Variants in NRG3 observed in about 807,000 individuals in gnomAD.
The protein encoded by NRG3 is neuregulin 3.
In NRG3, 31 loss-of-function variants were observed where a neutral mutation model predicts 66.9. The ratio of observed to expected loss-of-function variants is 0.46; its 90% CI spans 0.35 to 0.63. The LOEUF is 0.63. NRG3 is among the 20% of genes least tolerant of loss of function. NRG3 has a pLI of 0.00. For synonymous variants in NRG3, 393 were observed against 359.4 expected (o/e 1.09, Z -1.06); for missense variants, 910 against 878.9 (o/e 1.04, Z -0.45).
intron 1 of NRG3, among the ~76,000 whole-genome samples, chr10:81,887,415 T>C (rs760977366): frequency 3.9e-5 from 6 of 152,106 alleles, no homozygotes; most frequent in Non-Finnish European, 7.4e-5. Flanking sequence ...ATCAATAAGT[T>C]ATATACACAT....
chr10:82,078,652 G>C (rs192907653), intron 1 of NRG3, among the ~76,000 whole-genome samples: 3 of 152,302 alleles, frequency 2.0e-5, no homozygotes, highest in African/African-American at 7.2e-5. Context: ...TAAAGCCACA[G>C]GAGATGAGAA....
At chr10:82,787,157 A>T (rs1213873431) in intron 3 of NRG3, among the ~76,000 whole-genome samples, 1 of 152,130 alleles carries the variant, frequency 6.6e-6, no homozygotes. Flanking sequence ...ATTCATTTCA[A>T]TACTTGCTCT....
intron 2 of NRG3, among the ~76,000 whole-genome samples, chr10:82,554,278 G>A (rs1431086295): frequency 6.6e-6 from 1 of 152,102 alleles, no homozygotes; most frequent in African/African-American, 2.4e-5. Context: ...TAGGAAAGAT[G>A]ATTTTGACTG....
At chr10:82,849,166 T>A (rs925235929) in intron 3 of NRG3, among the ~76,000 whole-genome samples, 1 of 152,120 alleles carries the variant, frequency 6.6e-6, no homozygotes, top group Non-Finnish European at 1.5e-5. Flanking sequence ...GACACAGACA[T>A]GCACATAGGG....
intron 2 of NRG3, among the ~76,000 whole-genome samples, chr10:82,633,125 G>A (rs576151448): frequency 6.6e-6 from 1 of 152,296 alleles, no homozygotes; most frequent in South Asian, 2.1e-4. Flanking sequence ...AGAGGTCTGG[G>A]TAAATGGAGA....
intron 2 of NRG3, among the ~76,000 whole-genome samples, chr10:82,657,834 T>G (rs2051997192): frequency 6.8e-6 from 1 of 147,868 alleles, no homozygotes; most frequent in Non-Finnish European, 1.5e-5. Context: ...CATGAAAAAA[T>G]AGATAAGATA....
At chr10:82,710,246 T>C (rs1379307358) in intron 2 of NRG3, among the ~76,000 whole-genome samples, 1 of 152,206 alleles carries the variant, frequency 6.6e-6, no homozygotes, top group Non-Finnish European at 1.5e-5. Context: ...TTCTTCAGAA[T>C]TGTTGCAGTG....
intron 2 of NRG3, among the ~76,000 whole-genome samples, chr10:82,548,596 T>C (rs1297348057): frequency 6.6e-6 from 1 of 150,750 alleles, no homozygotes; most frequent in Non-Finnish European, 1.5e-5. Flanking sequence ...ATTTAAGAAC[T>C]TGTCCAGTCG....
At chr10:81,913,519 G>A (rs890747518) in intron 1 of NRG3, among the ~76,000 whole-genome samples, 7 of 151,886 alleles carry the variant, frequency 4.6e-5, no homozygotes, top group African/African-American at 1.7e-4. Context: ...TGCCTCCCGG[G>A]TTCAAGTGAT....
At chr10:82,234,035 G>T (rs542879651) in intron 1 of NRG3, among the ~76,000 whole-genome samples, 1 of 152,002 alleles carries the variant, frequency 6.6e-6, no homozygotes, top group African/African-American at 2.4e-5. Context: ...AACCATTTTT[G>T]ATTAATATTG....
At chr10:82,297,859 G>C (rs551842998) in intron 1 of NRG3, among the ~76,000 whole-genome samples, 1 of 152,110 alleles carries the variant, frequency 6.6e-6, no homozygotes, top group Non-Finnish European at 1.5e-5. Context: ...GAAAAAATCT[G>C]GACCAGGTGT....
chr10:82,116,355 T>G (rs2067717865), intron 1 of NRG3, among the ~76,000 whole-genome samples: 1 of 152,178 alleles, frequency 6.6e-6, no homozygotes, highest in South Asian at 2.1e-4. Flanking sequence ...AACAGCGCTC[T>G]GGTTTCCTGA....
At chr10:82,463,701 G>T (rs2091627786) in intron 2 of NRG3, among the ~76,000 whole-genome samples, 1 of 152,174 alleles carries the variant, frequency 6.6e-6, no homozygotes, top group African/African-American at 2.4e-5. Flanking sequence ...GCAAAGTCAT[G>T]CAGCTACCAC....
intron 1 of NRG3, among the ~76,000 whole-genome samples, chr10:82,318,096 A>G (rs551966485): frequency 1.1e-4 from 17 of 152,290 alleles, no homozygotes; most frequent in Admixed American, 5.2e-4. Flanking sequence ...GTACCTGTAA[A>G]GATAAGCTAT....
intron 3 of NRG3, among the ~76,000 whole-genome samples, chr10:82,755,991 A>C (rs1157930758): frequency 6.6e-6 from 1 of 151,972 alleles, no homozygotes; most frequent in African/African-American, 2.4e-5. Flanking sequence ...AGTTGCACCT[A>C]GCATCTTCCT....
chr10:82,936,353 G>A (rs1848064221), intron 4 of NRG3, among the ~76,000 whole-genome samples: 1 of 151,960 alleles, frequency 6.6e-6, no homozygotes, highest in Non-Finnish European at 1.5e-5. Flanking sequence ...AAATAAGCCA[G>A]GCAAAGCAAG....
At chr10:82,732,314 AT>A (rs1390918337) in intron 2 of NRG3, among the ~76,000 whole-genome samples, 8 of 152,124 alleles carry the variant, frequency 5.3e-5, no homozygotes, top group African/African-American at 9.7e-5. Context: ...TTGGAGAATA[AT>A]TTACAAATCT....
At chr10:82,452,119 A>T (rs2091042116) in intron 2 of NRG3, among the ~76,000 whole-genome samples, 1 of 152,210 alleles carries the variant, frequency 6.6e-6, no homozygotes, top group Non-Finnish European at 1.5e-5. Flanking sequence ...GCTGATGTCT[A>T]ATAACCCTAT....
At chr10:82,455,570 CTACTATGGACTTCA>C (rs2091228959) in intron 2 of NRG3, among the ~76,000 whole-genome samples, 1 of 150,906 alleles carries the variant, frequency 6.6e-6, no homozygotes, top group African/African-American at 2.4e-5. Context: ...TTACTGTACA[CTACTATGGACTTCA>C]TAAACACTGG....
Sources: allele counts gnomAD v4.1 joint callset (sites outside exome capture counted in the v4.1 genomes callset), GRCh38; gene constraint gnomAD v4.1.1; transcripts MANE v1.5; gene names NCBI Gene and HGNC (gene_info 2026-07-23, HGNC 2026-07-21).